The following SPATA7 variants were observed in gnomAD, a reference collection of about 807,000 sequenced individuals.
SPATA7 encodes spermatogenesis associated 7, also known as spermatogenesis-associated protein 7.
A neutral mutation model predicts 51.8 loss-of-function variants in SPATA7; 43 were observed. That is an observed-to-expected ratio of 0.83 (90% CI 0.65 to 1.07). SPATA7 has a LOEUF of 1.07. SPATA7 is among the 50% of genes least tolerant of loss of function. SPATA7 has a pLI of 0.00. For synonymous variants in SPATA7, 230 were observed against 252.8 expected (o/e 0.91, Z 0.86); for missense variants, 683 against 701.3 (o/e 0.97, Z 0.30).
At chr14:88,421,615 C>T (rs112957630) in intron 5 of SPATA7, among the ~76,000 whole-genome samples, 6,194 of 152,174 alleles carry the variant, frequency 0.041, 166 homozygotes, top group South Asian at 0.091. Context: ...GATTCTATGA[C>T]AGCAGAGAGA....
intron 4 of SPATA7, among the ~76,000 whole-genome samples, chr14:88,404,103 G>A (rs1566758751): frequency 6.6e-6 from 1 of 151,958 alleles, no homozygotes; most frequent in Non-Finnish European, 1.5e-5. Context: ...ATGGCCATCT[G>A]GTCATGACTG....
intron 4 of SPATA7, among the ~76,000 whole-genome samples, chr14:88,396,561 A>G (rs2075885521): frequency 6.6e-6 from 1 of 152,222 alleles, no homozygotes; most frequent in South Asian, 2.1e-4. Context: ...TATTTCACCT[A>G]GCATGATGTT....
At chr14:88,419,742 G>A (rs1010561453) in intron 5 of SPATA7, among the ~76,000 whole-genome samples, 1 of 151,960 alleles carries the variant, frequency 6.6e-6, no homozygotes, top group African/African-American at 2.4e-5. Flanking sequence ...AGCCAGGATG[G>A]TCTCGATCTC....
chr14:88,439,423 C>T (rs1380282227), downstream of SPATA7, among the ~76,000 whole-genome samples: 1 of 152,090 alleles, frequency 6.6e-6, no homozygotes, highest in East Asian at 1.9e-4. Flanking sequence ...TCTAATTATA[C>T]CTTTTTAACT....
chr14:88,389,096 C>CA (rs1290268921), intron 1 of SPATA7, among the ~76,000 whole-genome samples: 1 of 150,970 alleles, frequency 6.6e-6, no homozygotes, highest in Admixed American at 6.6e-5. Flanking sequence ...TGCAAAAAAA[C>CA]AAAAACAAAA....
chr14:88,429,565 C>G, intron 8 of SPATA7, 102 bp downstream of exon 8: 1 of 709,370 alleles, frequency 1.4e-6, no homozygotes, highest in Non-Finnish European at 2.4e-6. Context: ...ATTGCATGCT[C>G]CAATCTATTT....
At chr14:88,398,906 G>A (rs2075976696) in intron 4 of SPATA7, among the ~76,000 whole-genome samples, 1 of 151,912 alleles carries the variant, frequency 6.6e-6, no homozygotes, top group African/African-American at 2.4e-5. Flanking sequence ...CAAAAAATTA[G>A]CTGGGCATGG....
chr14:88,388,604 G>A (rs759263835), intron 1 of SPATA7, among the ~76,000 whole-genome samples: 1 of 152,062 alleles, frequency 6.6e-6, no homozygotes, highest in Non-Finnish European at 1.5e-5. Flanking sequence ...ACTATAAGAT[G>A]TAAGGGGCTG....
At chr14:88,433,306 C>T (rs112584080) in intron 10 of SPATA7, 94 bp downstream of exon 10, 1 of 871,746 alleles carries the variant, frequency 1.1e-6, no homozygotes, top group Non-Finnish European at 1.8e-6. Flanking sequence ...AGTTATTTTC[C>T]CATATTAGGA....
chr14:88,390,485 T>C (rs566422019), intron 1 of SPATA7, among the ~76,000 whole-genome samples: 2 of 152,298 alleles, frequency 1.3e-5, no homozygotes, highest in African/African-American at 2.4e-5. Flanking sequence ...CCCAGTGAAA[T>C]GAAAGTACCT....
intron 4 of SPATA7, among the ~76,000 whole-genome samples, chr14:88,401,836 CAAAA>C (rs57942112): frequency 1.1e-3 from 35 of 33,214 alleles, no homozygotes; most frequent in Non-Finnish European, 1.6e-3. Flanking sequence ...GACCCTGTCT[CAAAA>C]AAAAAAAAAA....
chr14:88,389,261 AT>A (rs2075673544), intron 1 of SPATA7, among the ~76,000 whole-genome samples: 1 of 144,518 alleles, frequency 6.9e-6, no homozygotes, highest in Admixed American at 6.9e-5. Flanking sequence ...ACAGGGTCTT[AT>A]TCTGTTACCC....
At chr14:88,395,079 A>C (rs1302755828) in intron 3 of SPATA7, among the ~76,000 whole-genome samples, 1 of 152,048 alleles carries the variant, frequency 6.6e-6, no homozygotes, top group Non-Finnish European at 1.5e-5. Flanking sequence ...TTTCTTGTTA[A>C]AATTCGTATT....
intron 1 of SPATA7, 120 bp from the exon 2 acceptor site, chr14:88,391,261 C>G (rs1595171334): frequency 2.2e-6 from 2 of 913,346 alleles, no homozygotes; most frequent in Non-Finnish European, 3.3e-6. Context: ...ACGCAATCAC[C>G]TTTTAGGAAA....
downstream of SPATA7, among the ~76,000 whole-genome samples, chr14:88,459,187 A>G (rs970414047): frequency 3.3e-5 from 5 of 152,216 alleles, no homozygotes; most frequent in Non-Finnish European, 7.3e-5. Context: ...GCTGAGAAGA[A>G]TGTATATTCT....
Position 88,391,707 on chromosome 14 carries a change from A to G in SPATA7, c.94+252A>G, listed in dbSNP as rs548867079. 67 of 539,982 alleles carry G rather than the reference A, an allele frequency of 1.2e-4. 1 individual carries two copies. The highest frequency in any genetic ancestry group is 1.1e-3 in the African/African-American group (55 of 52,142). 33.4% of individuals were successfully genotyped at this position (539,982 alleles called of 1,614,324 possible). On this transcript the variant is annotated intron_variant, in intron 2 of 11. Transcript: ENST00000393545. ...CCAGCTGCTACAGCAGCCCAGCTCT[A>G]CTTTTGCCAGGAAACTACCCTGATT...
At chr14:88,448,198 T>C (rs933669162) in intron 3 of SPATA7, among the ~76,000 whole-genome samples, 6 of 152,192 alleles carry the variant, frequency 3.9e-5, no homozygotes, top group African/African-American at 1.4e-4. Context: ...TTATTCTTTT[T>C]TCTCTAAACT....
intron 3 of SPATA7, among the ~76,000 whole-genome samples, chr14:88,451,179 T>C (rs569354899): frequency 6.6e-6 from 1 of 152,316 alleles, no homozygotes; most frequent in East Asian, 1.9e-4. Flanking sequence ...TTGTTTTTGT[T>C]TCGTTTTGAG....
In SPATA7 at chr14:88,396,874, TC is replaced by T. The variant is rs1368608401; in HGVS notation, c.238+672del. 9.3e-3 allele frequency among the ~76,000 whole-genome samples: 954 copies of T among 102,688 alleles called. 14 individuals carry two copies. Among genetic ancestry groups the T allele is most frequent in the African/African-American group, 0.025 (908 of 36,408 alleles). 67.4% of individuals were successfully genotyped at this position (102,688 alleles called of 152,430 possible). ...TACTATTTTCTTTTCTTTTCTTTTT[TC>T]TTTTTTTTTTTTTGAGACAGGGTCT... On this transcript the variant is annotated intron_variant, in intron 4 of 11. Transcript: ENST00000393545.
Sources: allele counts gnomAD v4.1 joint callset (sites outside exome capture counted in the v4.1 genomes callset), GRCh38; gene constraint gnomAD v4.1.1; transcripts MANE v1.5; gene names NCBI Gene and HGNC (gene_info 2026-07-23, HGNC 2026-07-21).